PDE1C: variants seen among roughly 807,000 people sequenced by gnomAD.
PDE1C encodes phosphodiesterase 1C, also known as dual specificity calcium/calmodulin-dependent 3',5'-cyclic nucleotide phosphodiesterase 1C.
Under a neutral mutation model 93.1 loss-of-function variants are expected in PDE1C, and 62 were observed. That is an observed-to-expected ratio of 0.67 (90% CI 0.54 to 0.82). The LOEUF (loss-of-function observed/expected upper bound fraction) is 0.82. Ranked by LOEUF, PDE1C falls within the 40% of genes least tolerant of loss-of-function variation. The pLI is 0.00. For missense variants in PDE1C, 742 were observed against 884.6 expected (o/e 0.84, Z 2.04); for synonymous variants, 325 against 310.1 (o/e 1.05, Z -0.50).
chr7:31,813,883 C>T (rs1051506144), intron 15 of PDE1C, among the ~76,000 whole-genome samples: 1 of 152,022 alleles, frequency 6.6e-6, no homozygotes, highest in African/African-American at 2.4e-5. Context: ...GCTTAGTTCC[C>T]ACTTATGTGT....
chr7:32,165,841 C>G (rs1802217556), intron 3 of PDE1C, among the ~76,000 whole-genome samples: 1 of 152,142 alleles, frequency 6.6e-6, no homozygotes, highest in Non-Finnish European at 1.5e-5. Flanking sequence ...CAGTGGTTCT[C>G]CAGGTGTGAT....
At chr7:32,107,572 GTGAAGAACAAATAGGCTTTCTCAGA>G (rs1260842178) in intron 3 of PDE1C, among the ~76,000 whole-genome samples, 1 of 152,116 alleles carries the variant, frequency 6.6e-6, no homozygotes, top group Non-Finnish European at 1.5e-5. Context: ...CTCTTCAAAA[GTGAAGAACAAATAGGCTTTCTCAGA>G]TGAACAAAAA....
intron 3 of PDE1C, among the ~76,000 whole-genome samples, chr7:32,078,424 ATAGGC>A (rs1318693758): frequency 6.6e-6 from 1 of 152,190 alleles, no homozygotes; most frequent in East Asian, 1.9e-4. Context: ...ACTAAAAAGC[ATAGGC>A]TGTTGGTAAA....
At chr7:31,879,288 C>A (rs1796969007) in intron 3 of PDE1C, 110 bp from the exon 4 acceptor site, 3 of 1,098,286 alleles carry the variant, frequency 2.7e-6, no homozygotes, top group African/African-American at 1.6e-5. Flanking sequence ...TGCAAAGAAA[C>A]CAAATTAAAT....
intron 3 of PDE1C, among the ~76,000 whole-genome samples, chr7:32,112,733 T>C (rs1798712253): frequency 6.6e-6 from 1 of 151,152 alleles, no homozygotes; most frequent in South Asian, 2.1e-4. Flanking sequence ...ATGTTGGTAT[T>C]ACAGGCAAGA....
At chr7:31,938,081 A>AGAT (rs1175364438) in intron 2 of PDE1C, among the ~76,000 whole-genome samples, 1 of 152,136 alleles carries the variant, frequency 6.6e-6, no homozygotes, top group East Asian at 1.9e-4. Context: ...ATCCAGACTG[A>AGAT]GATCTATACT....
intron 17 of PDE1C, among the ~76,000 whole-genome samples, chr7:31,766,266 C>T (rs1373601247): frequency 6.6e-6 from 1 of 151,938 alleles, no homozygotes; most frequent in Non-Finnish European, 1.5e-5. Context: ...CGACTGTAGT[C>T]CCAGCTACTC....
intron 3 of PDE1C, among the ~76,000 whole-genome samples, chr7:32,119,233 A>G (rs191357308): frequency 6.6e-6 from 1 of 152,262 alleles, no homozygotes; most frequent in Admixed American, 6.5e-5. Context: ...GAGACTGCAA[A>G]CACTCTAACT....
chr7:31,689,818 GC>G, the PDE1C span, among the ~76,000 whole-genome samples: 1 of 152,262 alleles, frequency 6.6e-6, no homozygotes, highest in South Asian at 2.1e-4. Context: ...AACCCCATGA[GC>G]AAAACACATC....
upstream of PDE1C, among the ~76,000 whole-genome samples, chr7:32,073,897 C>T (rs902390223): frequency 1.3e-5 from 2 of 152,302 alleles, no homozygotes; most frequent in African/African-American, 4.8e-5. Context: ...CTTTGCTTTA[C>T]AGTTTAATTT....
chr7:31,660,785 C>G, the PDE1C span, among the ~76,000 whole-genome samples: 1 of 151,824 alleles, frequency 6.6e-6, no homozygotes, highest in Admixed American at 6.6e-5. Flanking sequence ...TACCACATAC[C>G]TATTCATTTA....
chr7:31,655,187 T>C, the PDE1C span, among the ~76,000 whole-genome samples: 3 of 152,152 alleles, frequency 2.0e-5, no homozygotes, highest in Admixed American at 1.3e-4. Context: ...GACCTGGTCA[T>C]TGCCCCAACT....
intron 2 of PDE1C, among the ~76,000 whole-genome samples, chr7:31,899,017 C>G (rs1799644621): frequency 6.6e-6 from 1 of 151,936 alleles, no homozygotes; most frequent in Non-Finnish European, 1.5e-5. Context: ...TACCTGCTCC[C>G]CTCCCTGCCT....
At chr7:31,661,854 C>T in the PDE1C span, among the ~76,000 whole-genome samples, 17 of 152,346 alleles carry the variant, frequency 1.1e-4, no homozygotes, top group African/African-American at 4.1e-4. Context: ...CTTCAGTTCA[C>T]ATTCCCCGAG....
At chr7:31,681,025 T>A in the PDE1C span, among the ~76,000 whole-genome samples, 1 of 152,186 alleles carries the variant, frequency 6.6e-6, no homozygotes. Flanking sequence ...CCACTTAACG[T>A]GATTCACTTA....
At chr7:32,132,503 A>T (rs1195003490) in intron 3 of PDE1C, among the ~76,000 whole-genome samples, 1 of 151,992 alleles carries the variant, frequency 6.6e-6, no homozygotes, top group Non-Finnish European at 1.5e-5. Flanking sequence ...CTACAAAAAA[A>T]TAGAAAAAAA....
chr7:31,660,071 C>T, the PDE1C span, among the ~76,000 whole-genome samples: 1 of 152,150 alleles, frequency 6.6e-6, no homozygotes, highest in South Asian at 2.1e-4. Context: ...CCTCTCCTTG[C>T]TGCCGCCATG....
At chr7:31,954,336 G>T (rs547832879) in intron 2 of PDE1C, among the ~76,000 whole-genome samples, 2 of 152,280 alleles carry the variant, frequency 1.3e-5, no homozygotes, top group South Asian at 4.1e-4. Flanking sequence ...AAAACAGAAA[G>T]AGCCTGAGTA....
chr7:32,172,735 T>C (rs1802725892), intron 2 of PDE1C, among the ~76,000 whole-genome samples: 1 of 148,594 alleles, frequency 6.7e-6, no homozygotes, highest in Non-Finnish European at 1.5e-5. Flanking sequence ...GGCAGGAGAA[T>C]CGCTTGAACC....
Sources: allele counts gnomAD v4.1 joint callset (sites outside exome capture counted in the v4.1 genomes callset), GRCh38; gene constraint gnomAD v4.1.1; transcripts MANE v1.5; gene names NCBI Gene and HGNC (gene_info 2026-07-23, HGNC 2026-07-21).